Variants in CNBD1 observed in about 807,000 individuals in gnomAD.
CNBD1 encodes the protein cyclic nucleotide-binding domain-containing protein 1.
CNBD1 carries 71 observed loss-of-function variants against 54.4 expected under a neutral mutation model. The ratio of observed to expected loss-of-function variants is 1.30; its 90% CI spans 1.08 to 1.59. The LOEUF (loss-of-function observed/expected upper bound fraction) is 1.59, where lower values mean the gene tolerates loss of function less well. Ranked by LOEUF, CNBD1 falls within the 40% of genes most tolerant of loss-of-function variation. The pLI is 0.00. For missense variants in CNBD1, 659 were observed against 518.0 expected (o/e 1.27, Z -2.64); for synonymous variants, 182 against 170.7 (o/e 1.07, Z -0.51).
chr8:86,894,206 C>A (rs10103812), intron 2 of CNBD1, among the ~76,000 whole-genome samples: 1 of 148,980 alleles, frequency 6.7e-6, no homozygotes, highest in Non-Finnish European at 1.5e-5. Flanking sequence ...GGACTACAGG[C>A]GCCCGCCACC....
At chr8:86,972,960 G>T (rs1008108672) in intron 4 of CNBD1, among the ~76,000 whole-genome samples, 1 of 151,962 alleles carries the variant, frequency 6.6e-6, no homozygotes, top group African/African-American at 2.4e-5. Context: ...TCATCCCCTC[G>T]TTGACTTCCC....
intron 5 of CNBD1, among the ~76,000 whole-genome samples, chr8:87,236,310 T>A (rs533055197): frequency 1.3e-5 from 2 of 152,256 alleles, no homozygotes; most frequent in Non-Finnish European, 2.9e-5. Flanking sequence ...CTTTCAGATG[T>A]ACAGGCACAC....
intron 9 of CNBD1, among the ~76,000 whole-genome samples, chr8:87,352,251 C>T (rs564616903): frequency 2.0e-5 from 3 of 151,892 alleles, no homozygotes; most frequent in Admixed American, 6.6e-5. Flanking sequence ...GAGGCCGAGG[C>T]GGGCGGATCA....
chr8:87,422,958 G>A (rs1017780782), intron 2 of CNBD1, among the ~76,000 whole-genome samples: 22 of 151,706 alleles, frequency 1.5e-4, no homozygotes, highest in Non-Finnish European at 2.6e-4. Context: ...CTTGAGCAGC[G>A]GTTTGTAGTT....
intron 4 of CNBD1, among the ~76,000 whole-genome samples, chr8:86,977,717 A>G (rs1228043053): frequency 6.6e-6 from 1 of 152,122 alleles, no homozygotes; most frequent in Admixed American, 6.5e-5. Context: ...ACAGACCAAT[A>G]ATGAGTAAGT....
At chr8:87,404,814 A>C (rs936982641) in intron 2 of CNBD1, among the ~76,000 whole-genome samples, 2 of 136,848 alleles carry the variant, frequency 1.5e-5, no homozygotes, top group African/African-American at 5.6e-5. Flanking sequence ...CATCCTTTTT[A>C]TTTAATCTTT....
At chr8:87,380,820 G>C (rs1025635731) in intron 10 of CNBD1, among the ~76,000 whole-genome samples, 1 of 151,970 alleles carries the variant, frequency 6.6e-6, no homozygotes, top group Admixed American at 6.6e-5. Flanking sequence ...TACAAAAATA[G>C]CATTGGAAAA....
chr8:87,279,750 A>C (rs10106164), intron 6 of CNBD1, among the ~76,000 whole-genome samples: 42,190 of 150,592 alleles, frequency 0.28, 6,291 homozygotes, highest in African/African-American at 0.39. Flanking sequence ...ATAACTAAAT[A>C]TGTGTAGTGA....
intron 8 of CNBD1, among the ~76,000 whole-genome samples, chr8:87,301,070 C>A (rs1055586075): frequency 2.0e-5 from 3 of 152,032 alleles, no homozygotes; most frequent in Non-Finnish European, 4.4e-5. Flanking sequence ...ACTATGAACA[C>A]CTTTACATAC....
intron 1 of CNBD1, among the ~76,000 whole-genome samples, chr8:86,880,471 G>A (rs1042115302): frequency 3.9e-5 from 6 of 152,172 alleles, no homozygotes; most frequent in Admixed American, 1.3e-4. Flanking sequence ...TATATGGGAA[G>A]ATGTGCATAG....
intron 4 of CNBD1, among the ~76,000 whole-genome samples, chr8:87,027,678 C>T (rs1394116451): frequency 6.6e-6 from 1 of 152,212 alleles, no homozygotes; most frequent in Non-Finnish European, 1.5e-5. Context: ...GGAGGCCCAA[C>T]CCTTTTTAGT....
chr8:87,320,942 A>G (rs906021991), intron 8 of CNBD1, among the ~76,000 whole-genome samples: 8 of 152,096 alleles, frequency 5.3e-5, no homozygotes, highest in Admixed American at 6.6e-5. Flanking sequence ...GACACCTCAT[A>G]TTAGTGGAAT....
At chr8:87,153,688 A>C (rs1476831223) in intron 4 of CNBD1, among the ~76,000 whole-genome samples, 1 of 152,214 alleles carries the variant, frequency 6.6e-6, no homozygotes, top group Non-Finnish European at 1.5e-5. Context: ...GCTCAACTAT[A>C]ATGGGGTCAG....
intron 4 of CNBD1, among the ~76,000 whole-genome samples, chr8:87,174,379 A>G (rs1055102729): frequency 2.6e-5 from 4 of 152,126 alleles, no homozygotes; most frequent in Non-Finnish European, 4.4e-5. Context: ...TGCATTCTTC[A>G]GTATGCCAGT....
intron 4 of CNBD1, among the ~76,000 whole-genome samples, chr8:86,961,791 A>G (rs148367768): frequency 1.3e-5 from 2 of 152,308 alleles, no homozygotes; most frequent in African/African-American, 4.8e-5. Flanking sequence ...TTGCAGCTTT[A>G]TTTTTCTTTC....
At chr8:87,366,278 A>T (rs540352437) in intron 10 of CNBD1, among the ~76,000 whole-genome samples, 1 of 152,110 alleles carries the variant, frequency 6.6e-6, no homozygotes, top group South Asian at 2.1e-4. Flanking sequence ...GGCTGTGGAG[A>T]AGAGGTCACC....
intron 4 of CNBD1, among the ~76,000 whole-genome samples, chr8:87,099,701 TAAGAA>T (rs1166471344): frequency 6.6e-6 from 1 of 152,114 alleles, no homozygotes; most frequent in Non-Finnish European, 1.5e-5. Flanking sequence ...AATAATAAGA[TAAGAA>T]AGAAAACAGT....
chr8:86,966,000 C>G (rs1524833), intron 4 of CNBD1, among the ~76,000 whole-genome samples: 4,036 of 152,246 alleles, frequency 0.027, 189 homozygotes, highest in African/African-American at 0.093. Context: ...TCTTCATCCT[C>G]TGGTTGTCCT....
rs768887309 is a variant in CNBD1, at chr8:86,887,530, A to AT, written c.89-4dup. On this transcript the variant is annotated splice_polypyrimidine_tract_variant and intron_variant, in intron 1 of 10. Transcript: ENST00000518476. ...GGAAAATTACTCAAATTTTTAATTG[A>AT]TTTTTTTTCAGACTTGAAAAAGTCT... The AT allele has an allele frequency of 4.0e-5, 61 of 1,524,204 alleles. No individual in the cohort carries two copies. Among genetic ancestry groups the AT allele is most frequent in the South Asian group, 7.4e-5 (6 of 80,904 alleles). The allele number at this position is 1,524,204 out of a possible 1,614,324, so 94.4% of individuals were successfully genotyped here. A position where few individuals can be genotyped will look rare whatever the true frequency, so the allele number is the denominator to read the frequency against.
Sources: gnomAD v4.1 joint callset for allele counts (sites outside exome capture counted in the v4.1 genomes callset) on GRCh38, gnomAD v4.1.1 for gene constraint, MANE v1.5 for transcripts, NCBI Gene and HGNC (gene_info 2026-07-23, HGNC 2026-07-21) for gene names.